The following TLK2 variants were observed in gnomAD, a reference collection of about 807,000 sequenced individuals.
TLK2 encodes serine/threonine-protein kinase tousled-like 2.
A neutral mutation model predicts 117.3 loss-of-function variants in TLK2; 6 were observed. The observed-to-expected ratio is 0.05, with a 90% CI of 0.03 to 0.10. The LOEUF (loss-of-function observed/expected upper bound fraction) is 0.10, where lower values mean the gene tolerates loss of function less well. TLK2 is among the 10% of genes least tolerant of loss of function. The pLI is 1.00. For missense variants in TLK2, 299 were observed against 901.2 expected, an observed-to-expected ratio of 0.33 and a Z score of 8.56; for synonymous variants, 257 against 316.7, an observed-to-expected ratio of 0.81 and a Z score of 2.00.
At chr17:62,559,954 G>C in intron 9 of TLK2, 62 bp from the exon 10 acceptor site, 1 of 1,235,840 alleles carries the variant, frequency 8.1e-7, no homozygotes, top group Non-Finnish European at 1.1e-6. Context: ...TCTCTCCCTA[G>C]AAACTGCTTT....
chr17:62,585,604 T>A (rs527931367), intron 15 of TLK2: 1 of 152,548 alleles, frequency 6.6e-6, no homozygotes, highest in South Asian at 2.1e-4. Flanking sequence ...AAGGCAGGGC[T>A]GTTTTTTGTT....
At chr17:62,559,385 A>AT (rs986709514) in intron 9 of TLK2, among the ~76,000 whole-genome samples, 61 of 143,052 alleles carry the variant, frequency 4.3e-4, no homozygotes, top group South Asian at 6.6e-4. Context: ...TTTATTTTTT[A>AT]TTTTTTTTTT....
chr17:62,613,978 G>A lies in TLK2; in HGVS notation c.*1413G>A. ...ATCTCTACTAAAAATATAAAAATTA[G>A]CCTGGCGTGGTGGCGTGTGCCTCTA... On this transcript the variant is annotated 3_prime_UTR_variant, in exon 22 of 22. Transcript: ENST00000346027. 1 of 152,022 alleles carries A rather than the reference G, an allele frequency of 6.6e-6. No individual in the cohort carries two copies. Among genetic ancestry groups the A allele is most frequent in the East Asian group, 1.9e-4 (1 of 5,182 alleles). The allele number at this position is 152,022 out of a possible 1,614,324, so 9.4% of individuals were successfully genotyped here.
intron 2 of TLK2, among the ~76,000 whole-genome samples, chr17:62,482,695 G>C (rs141748310): frequency 2.0e-3 from 311 of 152,172 alleles, no homozygotes; most frequent in African/African-American, 7.3e-3. Context: ...CCAGTGATCT[G>C]CCTGTCTTGG....
At chr17:62,505,880 A>G (rs1200291615) in intron 2 of TLK2, among the ~76,000 whole-genome samples, 1 of 151,916 alleles carries the variant, frequency 6.6e-6, no homozygotes, top group Non-Finnish European at 1.5e-5. Context: ...TTTTGTAGAG[A>G]TGGGGTTTTG....
At chr17:62,561,279 C>A (rs1450670031) in intron 10 of TLK2, among the ~76,000 whole-genome samples, 1 of 152,200 alleles carries the variant, frequency 6.6e-6, no homozygotes, top group Non-Finnish European at 1.5e-5. Context: ...AATAGTGCCA[C>A]AATAAACATA....
chr17:62,480,030 C>T (rs1332006506), intron 1 of TLK2, among the ~76,000 whole-genome samples: 2 of 152,236 alleles, frequency 1.3e-5, no homozygotes. Context: ...CCTGCACTTG[C>T]ATGTGTGGGT....
intron 20 of TLK2, among the ~76,000 whole-genome samples, chr17:62,607,516 G>C (rs978641096): frequency 6.6e-6 from 1 of 151,664 alleles, no homozygotes; most frequent in East Asian, 1.9e-4. Context: ...GCGACAGAGC[G>C]AGACTCCATC....
chr17:62,472,457 G>A (rs1364591671), intron 1 of TLK2, among the ~76,000 whole-genome samples: 1 of 151,990 alleles, frequency 6.6e-6, no homozygotes, highest in Non-Finnish European at 1.5e-5. Flanking sequence ...CCAGGAGGCT[G>A]GCCGGGCACG....
chr17:62,498,963 C>T (rs1003775273), intron 2 of TLK2, among the ~76,000 whole-genome samples: 2 of 152,066 alleles, frequency 1.3e-5, no homozygotes, highest in African/African-American at 4.8e-5. Flanking sequence ...CCAGGGCTCA[C>T]GAGACCCTCC....
intron 15 of TLK2, among the ~76,000 whole-genome samples, chr17:62,584,551 A>C (rs189435284): frequency 1.3e-5 from 2 of 152,318 alleles, no homozygotes; most frequent in East Asian, 3.9e-4. Flanking sequence ...CATGGCCTCT[A>C]CTGCCTCTAA....
chr17:62,533,367 GGT>G lies in TLK2; in HGVS notation c.364-2780_364-2779del, dbSNP rs369887924. 9.5e-4 allele frequency among the ~76,000 whole-genome samples: 105 copies of G among 111,046 alleles called. 4 individuals are homozygous for G. Among genetic ancestry groups the G allele is most frequent in the East Asian group, 7.3e-3 (31 of 4,260 alleles). The allele number at this position is 111,046 out of a possible 152,430, so 72.9% of individuals were successfully genotyped here. On this transcript the variant is annotated intron_variant, in intron 6 of 21. Transcript: ENST00000346027. ...TCCCATATGGTGTATTCCTATACGG[GGT>G]GTGTGTGTGTGTGTGTGTGTGTCTG...
intron 10 of TLK2, 129 bp downstream of exon 10, chr17:62,560,255 A>G (rs2079159286): frequency 5.8e-6 from 4 of 693,522 alleles, no homozygotes; most frequent in African/African-American, 1.9e-5. Flanking sequence ...TGATTTGACA[A>G]TTAGAATTTT....
chr17:62,580,264 G>A (rs2081112264), intron 15 of TLK2, 72 bp downstream of exon 15: 1 of 1,125,218 alleles, frequency 8.9e-7, no homozygotes, highest in Non-Finnish European at 1.3e-6. Flanking sequence ...AGAACATTAA[G>A]AATACTGATA....
At chr17:62,586,023 TTAA>T in intron 15 of TLK2, 109 bp from the exon 16 acceptor site, 1 of 733,970 alleles carries the variant, frequency 1.4e-6, no homozygotes, top group East Asian at 2.7e-5. Context: ...TGTGATGTAT[TTAA>T]TAATGTATTT....
At chr17:62,512,534 C>CTATTCA (rs1039646255) in intron 2 of TLK2, among the ~76,000 whole-genome samples, 1 of 152,040 alleles carries the variant, frequency 6.6e-6, no homozygotes, top group African/African-American at 2.4e-5. Context: ...AGTAAAATGT[C>CTATTCA]TATTCATATT....
chr17:62,602,307 T>C (rs772551496), intron 19 of TLK2, 127 bp downstream of exon 19: 20 of 840,098 alleles, frequency 2.4e-5, no homozygotes, highest in Non-Finnish European at 3.0e-5. Context: ...AAGCAGACTT[T>C]CTCCCCAAAT....
chr17:62,517,830 T>C (rs1018506107), intron 2 of TLK2, among the ~76,000 whole-genome samples: 61 of 152,336 alleles, frequency 4.0e-4, no homozygotes, highest in African/African-American at 1.3e-3. Context: ...CCCGACTAGC[T>C]GGGACTATTG....
intron 15 of TLK2, among the ~76,000 whole-genome samples, chr17:62,580,573 T>C (rs1479078074): frequency 6.6e-6 from 1 of 152,160 alleles, no homozygotes; most frequent in East Asian, 1.9e-4. Context: ...TAAGAATAGG[T>C]TTTTTTCCAT....
Sources: allele counts gnomAD v4.1 joint callset (sites outside exome capture counted in the v4.1 genomes callset), GRCh38; gene constraint gnomAD v4.1.1; transcripts MANE v1.5; gene names NCBI Gene and HGNC (gene_info 2026-07-23, HGNC 2026-07-21).